Variants in NRG3 observed in about 807,000 individuals in gnomAD.
NRG3 encodes pro-neuregulin-3, membrane-bound isoform.
A neutral mutation model predicts 66.9 loss-of-function variants in NRG3; 31 were observed. The ratio of observed to expected loss-of-function variants is 0.46; its 90% CI spans 0.35 to 0.63. The LOEUF is 0.63. NRG3 is among the 20% of genes least tolerant of loss of function. NRG3 has a pLI of 0.00. For synonymous variants in NRG3, 393 were observed against 359.4 expected, an observed-to-expected ratio of 1.09 and a Z score of -1.06; for missense variants, 910 against 878.9, an observed-to-expected ratio of 1.04 and a Z score of -0.45.
At chr10:82,216,086 G>A (rs11193032) in intron 1 of NRG3, among the ~76,000 whole-genome samples, 5,999 of 105,538 alleles carry the variant, frequency 0.057, 161 homozygotes, top group Non-Finnish European at 0.066. Flanking sequence ...TCCTGCCTCA[G>A]CCTCCCAAGT....
intron 2 of NRG3, among the ~76,000 whole-genome samples, chr10:82,646,007 G>T (rs1020075144): frequency 2.0e-5 from 3 of 152,078 alleles, no homozygotes; most frequent in African/African-American, 7.2e-5. Flanking sequence ...AGTTTGGTTG[G>T]AAAAAGGCAG....
chr10:81,908,091 C>A (rs1457543733), intron 1 of NRG3, among the ~76,000 whole-genome samples: 1 of 152,136 alleles, frequency 6.6e-6, no homozygotes, highest in African/African-American at 2.4e-5. Flanking sequence ...AAAGTTTCTT[C>A]CCGATTGCTT....
chr10:82,572,032 T>G (rs2045767541), intron 2 of NRG3, among the ~76,000 whole-genome samples: 1 of 151,716 alleles, frequency 6.6e-6, no homozygotes, highest in South Asian at 2.1e-4. Flanking sequence ...GTATGTGTAT[T>G]ACTGTCATGT....
chr10:82,675,895 G>A (rs1263795403), intron 2 of NRG3, among the ~76,000 whole-genome samples: 1 of 152,082 alleles, frequency 6.6e-6, no homozygotes, highest in African/African-American at 2.4e-5. Context: ...ATCATATTTT[G>A]TATCTACATA....
At chr10:82,420,561 T>C in intron 2 of NRG3, among the ~76,000 whole-genome samples, 1 of 152,160 alleles carries the variant, frequency 6.6e-6, no homozygotes, top group East Asian at 1.9e-4. Context: ...TAGCTTTGTC[T>C]GCTCAAATCC....
chr10:82,095,988 A>C (rs922036320), intron 1 of NRG3, among the ~76,000 whole-genome samples: 21 of 152,160 alleles, frequency 1.4e-4, no homozygotes, highest in African/African-American at 4.6e-4. Flanking sequence ...GACTCACAGA[A>C]ACTGACCTGC....
intron 1 of NRG3, among the ~76,000 whole-genome samples, chr10:81,963,926 C>A (rs1391169011): frequency 6.6e-6 from 1 of 152,166 alleles, no homozygotes; most frequent in Non-Finnish European, 1.5e-5. Context: ...ATCACTGTTT[C>A]ATCTGTGTTT....
chr10:82,097,044 A>T (rs1055502019), intron 1 of NRG3, among the ~76,000 whole-genome samples: 6 of 152,120 alleles, frequency 3.9e-5, no homozygotes, highest in African/African-American at 1.4e-4. Flanking sequence ...TTAGATACAG[A>T]ACAATTTCCT....
chr10:82,137,059 T>G (rs2069417871), intron 1 of NRG3, among the ~76,000 whole-genome samples: 3 of 152,190 alleles, frequency 2.0e-5, no homozygotes. Flanking sequence ...GGAGGTGCTT[T>G]CTTGTGTGGA....
At chr10:82,646,613 C>G (rs567910096) in intron 2 of NRG3, among the ~76,000 whole-genome samples, 1 of 152,134 alleles carries the variant, frequency 6.6e-6, no homozygotes, top group Non-Finnish European at 1.5e-5. Flanking sequence ...TTGGTTAAGA[C>G]AGATTTTATT....
chr10:82,286,335 A>G (rs139007876), intron 1 of NRG3, among the ~76,000 whole-genome samples: 8 of 152,210 alleles, frequency 5.3e-5, no homozygotes, highest in Non-Finnish European at 1.2e-4. Context: ...GTGTGTGTGT[A>G]TGTTGACACA....
chr10:82,268,271 C>T (rs1436981443), intron 1 of NRG3, among the ~76,000 whole-genome samples: 1 of 152,112 alleles, frequency 6.6e-6, no homozygotes, highest in East Asian at 1.9e-4. Flanking sequence ...AGGCTTCACA[C>T]TGTGAGACCT....
At chr10:82,843,783 C>G (rs370473638) in intron 3 of NRG3, among the ~76,000 whole-genome samples, 20 of 151,928 alleles carry the variant, frequency 1.3e-4, no homozygotes, top group African/African-American at 4.8e-4. Flanking sequence ...TAAAAAGTAG[C>G]AATATTAATG....
chr10:82,819,723 T>C (rs1027664499), intron 3 of NRG3, among the ~76,000 whole-genome samples: 2 of 152,230 alleles, frequency 1.3e-5, no homozygotes, highest in African/African-American at 4.8e-5. Flanking sequence ...TCTATTACTC[T>C]GGGTCCTTTG....
At chr10:81,940,749 C>T (rs1359978842) in intron 1 of NRG3, among the ~76,000 whole-genome samples, 1 of 151,910 alleles carries the variant, frequency 6.6e-6, no homozygotes, top group African/African-American at 2.4e-5. Flanking sequence ...GTATCGTGCA[C>T]CTCTAAAAAT....
At chr10:82,957,535 T>C (rs981537138) in intron 5 of NRG3, among the ~76,000 whole-genome samples, 2 of 151,918 alleles carry the variant, frequency 1.3e-5, no homozygotes, top group Non-Finnish European at 2.9e-5. Flanking sequence ...GAGAAGGACA[T>C]GAAGGGAGCA....
chr10:81,916,225 A>C (rs1589444092), intron 1 of NRG3, among the ~76,000 whole-genome samples: 1 of 152,046 alleles, frequency 6.6e-6, no homozygotes, highest in African/African-American at 2.4e-5. Flanking sequence ...TTCCTTACCA[A>C]CCTGGCCCAT....
At chr10:82,232,446 A>G (rs1486930118) in intron 1 of NRG3, 3 of 269,850 alleles carry the variant, frequency 1.1e-5, no homozygotes, top group Non-Finnish European at 2.2e-5. Context: ...TACCCTCCTG[A>G]CATCCCCACT....
chr10:82,223,645 ACACACAC>A (rs2076040363), intron 1 of NRG3, among the ~76,000 whole-genome samples: 4 of 38,808 alleles, frequency 1.0e-4, no homozygotes, highest in African/African-American at 2.3e-4. Context: ...CACCCCAAAC[ACACACAC>A]ACACACACAC....
Sources: allele counts gnomAD v4.1 joint callset (sites outside exome capture counted in the v4.1 genomes callset), GRCh38; gene constraint gnomAD v4.1.1; transcripts MANE v1.5; gene names NCBI Gene and HGNC (gene_info 2026-07-23, HGNC 2026-07-21).